NAV3: variants seen among roughly 807,000 people sequenced by gnomAD.
The protein encoded by NAV3 is neuron navigator 3.
Under a neutral mutation model 244.7 loss-of-function variants are expected in NAV3, and 87 were observed. The ratio of observed to expected loss-of-function variants is 0.36; its 90% CI spans 0.30 to 0.42. The LOEUF (loss-of-function observed/expected upper bound fraction) is 0.42, where lower values mean the gene tolerates loss of function less well. NAV3 is among the 20% of genes least tolerant of loss of function. NAV3 has a pLI of 1.00. For missense variants in NAV3, 2,663 were observed against 2,893.3 expected, an observed-to-expected ratio of 0.92 and a Z score of 1.83; for synonymous variants, 1,126 against 1,042.2, an observed-to-expected ratio of 1.08 and a Z score of -1.55.
chr12:78,162,177 T>G (rs1957571365), intron 23 of NAV3, among the ~76,000 whole-genome samples: 1 of 152,114 alleles, frequency 6.6e-6, no homozygotes, highest in Non-Finnish European at 1.5e-5. Flanking sequence ...TTAATCATAT[T>G]TCACTAAAGG....
chr12:77,771,520 T>C (rs1001813882), intron 2 of NAV3, among the ~76,000 whole-genome samples: 1 of 152,076 alleles, frequency 6.6e-6, no homozygotes, highest in Admixed American at 6.5e-5. Context: ...AACCCAAATG[T>C]CCCACAATGA....
chr12:78,010,136 C>T (rs994801593), intron 8 of NAV3, among the ~76,000 whole-genome samples: 5 of 152,124 alleles, frequency 3.3e-5, no homozygotes, highest in Non-Finnish European at 7.4e-5. Context: ...GTTTTTAAAT[C>T]AATGCAGAAC....
chr12:78,076,160 T>G (rs11108169), intron 12 of NAV3, among the ~76,000 whole-genome samples: 1 of 152,190 alleles, frequency 6.6e-6, no homozygotes, highest in Non-Finnish European at 1.5e-5. Context: ...GTTTACAATA[T>G]GAAAATGTGT....
intron 2 of NAV3, among the ~76,000 whole-genome samples, chr12:77,651,713 C>G (rs997043076): frequency 3.9e-5 from 6 of 152,138 alleles, no homozygotes; most frequent in African/African-American, 1.4e-4. Flanking sequence ...TTGTATACAA[C>G]AGAGTAAAAT....
rs748733088 is a variant in NAV3 at position 78,156,598 on chromosome 12, T to C, written c.4786-2605T>C. Among the ~76,000 whole-genome samples, 28 of 152,188 alleles carry C rather than the reference T, an allele frequency of 1.8e-4. No homozygotes were observed. The South Asian group carries it at 2.1e-3, about 11-fold the overall frequency. ...TTCAAGTTTCACATTTAAGGATTCA[T>C]AGTAGAATGATTAAACCTTACATTT... On this transcript the variant is annotated intron_variant, in intron 22 of 39. Transcript: ENST00000397909.
At chr12:77,601,836 T>C (rs573307034) in intron 2 of NAV3, among the ~76,000 whole-genome samples, 5 of 152,076 alleles carry the variant, frequency 3.3e-5, no homozygotes, top group Admixed American at 2.0e-4. Context: ...ATCCATGCAA[T>C]TGGACAAAAG....
intron 5 of NAV3, among the ~76,000 whole-genome samples, chr12:77,989,648 A>G (rs1442285120): frequency 1.3e-5 from 2 of 152,176 alleles, no homozygotes; most frequent in African/African-American, 4.8e-5. Context: ...AAAATAAAGG[A>G]CAAAAATCAT....
chr12:77,953,755 C>T (rs1891112814), intron 3 of NAV3, among the ~76,000 whole-genome samples: 1 of 152,128 alleles, frequency 6.6e-6, no homozygotes, highest in African/African-American at 2.4e-5. Context: ...CTCAACAAAT[C>T]ACAGTTCGAG....
At position 78,021,963 on chromosome 12, in the gene NAV3, C is replaced by A; in HGVS notation, c.2023+101C>A. 3 of 592,070 alleles carry A rather than the reference C, an allele frequency of 5.1e-6. No homozygotes were observed. In the Admixed American group the frequency reaches 9.7e-5, roughly 19 times the overall value. The allele number at this position is 592,070 out of a possible 1,614,324, so 36.7% of individuals were successfully genotyped here. ...TATATGTGGTATACTGTTTTTAGTGCAAAAATGGACTATATACATCTCATG... is the reference window on the plus strand; with the variant it reads ...TATATGTGGTATACTGTTTTTAGTGAAAAAATGGACTATATACATCTCATG... On this transcript the variant is annotated intron_variant, in intron 9 of 39. Coordinates refer to ENST00000397909, the MANE Select transcript of NAV3 (RefSeq NM_001024383.2).
chr12:77,623,308 C>T (rs1462277994), intron 2 of NAV3, among the ~76,000 whole-genome samples: 1 of 152,114 alleles, frequency 6.6e-6, no homozygotes, highest in East Asian at 1.9e-4. Context: ...TTTCTTAAGG[C>T]ACCAGAGAGC....
chr12:77,845,888 G>A (rs1365576379), intron 1 of NAV3, among the ~76,000 whole-genome samples: 1 of 152,056 alleles, frequency 6.6e-6, no homozygotes, highest in Non-Finnish European at 1.5e-5. Context: ...CCTGACATCA[G>A]GTGATCTGCC....
chr12:78,013,681 G>C (rs1372130884), intron 8 of NAV3, among the ~76,000 whole-genome samples: 1 of 152,064 alleles, frequency 6.6e-6, no homozygotes, highest in Non-Finnish European at 1.5e-5. Context: ...TGTGTGGAAA[G>C]CATGATCAGA....
intron 22 of NAV3, among the ~76,000 whole-genome samples, chr12:78,151,125 C>A (rs1283179366): frequency 2.0e-5 from 3 of 151,886 alleles, no homozygotes; most frequent in Non-Finnish European, 4.4e-5. Context: ...ATAATTCATG[C>A]TAGTCTTTGT....
rs529928055 is a variant in NAV3 at position 77,668,353 on chromosome 12, C to T, written c.72+96087C>T. 8.6e-5 allele frequency among the ~76,000 whole-genome samples: 13 copies of T among 151,934 alleles called. No homozygotes were observed. In the East Asian group the frequency reaches 1.2e-3, roughly 14 times the overall value. The stretch of plus-strand genomic sequence containing the variant: ...GCTAATCAAGGAGGCACCAGAGAAA[C>T]GTGAAGTCCAACTTAAAAAAAATTA... On this transcript the variant is annotated intron_variant, in intron 2 of 8. Transcript: ENST00000550042.
chr12:77,814,383 A>G (rs1368459007), intron 2 of NAV3, among the ~76,000 whole-genome samples: 1 of 152,208 alleles, frequency 6.6e-6, no homozygotes, highest in African/African-American at 2.4e-5. Flanking sequence ...GTGGTTTGAC[A>G]TTGAACTCTA....
chr12:77,938,192 T>G (rs1021355515), intron 1 of NAV3, among the ~76,000 whole-genome samples: 2 of 152,182 alleles, frequency 1.3e-5, no homozygotes, highest in Non-Finnish European at 2.9e-5. Flanking sequence ...AACAATTCTA[T>G]CATTTAAATG....
chr12:78,012,456 T>C (rs1159437734), intron 8 of NAV3, among the ~76,000 whole-genome samples: 1 of 152,048 alleles, frequency 6.6e-6, no homozygotes, highest in Non-Finnish European at 1.5e-5. Context: ...AACTCAAACA[T>C]TGCACCATGA....
intron 2 of NAV3, among the ~76,000 whole-genome samples, chr12:77,764,260 A>G (rs1024637219): frequency 5.3e-5 from 8 of 152,170 alleles, no homozygotes; most frequent in Admixed American, 2.6e-4. Flanking sequence ...TTTATTTGGT[A>G]TTCATATACT....
intron 2 of NAV3, among the ~76,000 whole-genome samples, chr12:77,634,912 T>C (rs1382274746): frequency 2.0e-5 from 3 of 152,102 alleles, no homozygotes; most frequent in African/African-American, 4.8e-5. Flanking sequence ...GTGTTATTTA[T>C]TTATTTATTT....
Sources: allele counts gnomAD v4.1 joint callset (sites outside exome capture counted in the v4.1 genomes callset), GRCh38; gene constraint gnomAD v4.1.1; transcripts MANE v1.5; gene names NCBI Gene and HGNC (gene_info 2026-07-23, HGNC 2026-07-21).